Variants in DRC9 observed in about 807,000 individuals in gnomAD.
DRC9 encodes dynein regulatory complex subunit 9, also known as dynein regulatory complex protein 9.
At chr3:197,940,321 A>G in the DRC9 span, among the ~76,000 whole-genome samples, 3 of 149,004 alleles carry the variant, frequency 2.0e-5, no homozygotes, top group Non-Finnish European at 4.5e-5. Context: ...ATATATATAT[A>G]TATAATAATA....
chr3:197,956,002 T>A, the DRC9 span: 10 of 530,508 alleles, frequency 1.9e-5, no homozygotes, highest in African/African-American at 3.8e-5. Context: ...AGAGTCTTGC[T>A]CTGTTGCCCA....
chr3:197,951,521 T>G, the DRC9 span: 2 of 553,226 alleles, frequency 3.6e-6, no homozygotes, highest in African/African-American at 3.8e-5. Context: ...CCCGGCTAGT[T>G]TTTGTATTAT....
the DRC9 span, among the ~76,000 whole-genome samples, chr3:197,931,904 C>T: frequency 2.6e-5 from 4 of 152,052 alleles, no homozygotes; most frequent in Non-Finnish European, 5.9e-5. Flanking sequence ...GGATTACAAG[C>T]GTGAGCCACC....
At chr3:197,929,179 G>A in the DRC9 span, among the ~76,000 whole-genome samples, 2 of 152,320 alleles carry the variant, frequency 1.3e-5, no homozygotes, top group African/African-American at 4.8e-5. The surrounding 1 kb of genome is among the most constrained non-coding windows in gnomAD (Gnocchi z 4.6). Context: ...TTAATGGATG[G>A]TGAGTTTCCC....
chr3:197,893,883 T>A, the DRC9 span, among the ~76,000 whole-genome samples: 1 of 152,080 alleles, frequency 6.6e-6, no homozygotes, highest in African/African-American at 2.4e-5. Flanking sequence ...CAAGTGAATG[T>A]GAATCAAAGA....
At chr3:197,955,104 CTG>C in the DRC9 span, among the ~76,000 whole-genome samples, 1 of 151,998 alleles carries the variant, frequency 6.6e-6, no homozygotes, top group Non-Finnish European at 1.5e-5. Flanking sequence ...GGAATGTAGA[CTG>C]TATATTCTTG....
chr3:197,951,023 G>T, the DRC9 span: 1 of 1,606,242 alleles, frequency 6.2e-7, no homozygotes. Flanking sequence ...TGTTAGACGT[G>T]AACGTAAATG....
At chr3:197,954,028 C>T in the DRC9 span, 1 of 1,613,406 alleles carries the variant, frequency 6.2e-7, no homozygotes, top group African/African-American at 1.3e-5. Flanking sequence ...TGGCGGCAAA[C>T]CAAACAAAAC....
At chr3:197,925,137 ACTGC>A in the DRC9 span, among the ~76,000 whole-genome samples, 2 of 151,398 alleles carry the variant, frequency 1.3e-5, no homozygotes, top group Non-Finnish European at 2.9e-5. Flanking sequence ...AGTACAAGAG[ACTGC>A]CTGAGACAAG....
chr3:197,900,912 C>G, the DRC9 span, among the ~76,000 whole-genome samples: 3 of 152,192 alleles, frequency 2.0e-5, no homozygotes, highest in Non-Finnish European at 4.4e-5. The surrounding 1 kb of genome is among the most constrained non-coding windows in gnomAD (Gnocchi z 4.7). Flanking sequence ...GACGAAAGAG[C>G]CCCCGGGCCC....
chr3:197,897,937 A>ATTTTT, the DRC9 span, among the ~76,000 whole-genome samples: 110 of 133,060 alleles, frequency 8.3e-4, 3 homozygotes, highest in African/African-American at 2.5e-3. Flanking sequence ...CGCCCAGCTA[A>ATTTTT]TTTTTTTTTT....
chr3:197,957,667 T>C, the DRC9 span: 1 of 152,126 alleles, frequency 6.6e-6, no homozygotes, highest in Non-Finnish European at 1.5e-5. Flanking sequence ...TTGGAAGTTG[T>C]ATATTAGAAT....
the DRC9 span, among the ~76,000 whole-genome samples, chr3:197,904,110 A>ATATATATT: frequency 1.2e-4 from 10 of 80,782 alleles, no homozygotes; most frequent in South Asian, 2.7e-3. Context: ...ATATATATAT[A>ATATATATT]TTTTTTTTTT....
At chr3:197,944,061 G>T in the DRC9 span, 2 of 1,597,268 alleles carry the variant, frequency 1.3e-6, no homozygotes, top group Non-Finnish European at 1.7e-6. Flanking sequence ...TCTAAGGAAA[G>T]AATAAAGAAA....
At chr3:197,913,188 G>C in the DRC9 span, 5 of 171,414 alleles carry the variant, frequency 2.9e-5, no homozygotes, top group African/African-American at 1.2e-4. Context: ...GCTCTTTCTT[G>C]TTTTCTTTTC....
the DRC9 span, chr3:197,951,035 G>A: frequency 1.2e-6 from 2 of 1,604,118 alleles, no homozygotes; most frequent in South Asian, 1.1e-5. Flanking sequence ...ACGTAAATGC[G>A]AGCTTAAAAT....
the DRC9 span, among the ~76,000 whole-genome samples, chr3:197,915,386 C>T: frequency 2.6e-5 from 4 of 152,080 alleles, no homozygotes; most frequent in South Asian, 4.2e-4. Context: ...TCGGTAAGGG[C>T]ACCACACAGG....
At chr3:197,913,941 C>G in the DRC9 span, 1 of 1,614,174 alleles carries the variant, frequency 6.2e-7, no homozygotes, top group Non-Finnish European at 8.5e-7. Flanking sequence ...TCTGGGCAAT[C>G]TGCAGCTCGG....
the DRC9 span, among the ~76,000 whole-genome samples, chr3:197,933,975 TA>T: frequency 1.8e-3 from 193 of 109,512 alleles, no homozygotes; most frequent in South Asian, 4.4e-3. Context: ...CTCACCCAGC[TA>T]AAAAAAAAAA....
Sources: gnomAD v4.1 joint callset for allele counts (sites outside exome capture counted in the v4.1 genomes callset) on GRCh38, gnomAD v4.1.1 for gene constraint, Gnocchi (gnomAD v3.1) non-coding constraint, MANE v1.5 for transcripts, NCBI Gene and HGNC (gene_info 2026-07-23, HGNC 2026-07-21) for gene names.